TRAPPC12: variants seen among roughly 807,000 people sequenced by gnomAD.
The protein encoded by TRAPPC12 is trafficking protein particle complex subunit 12.
Under a neutral mutation model 69.2 loss-of-function variants are expected in TRAPPC12, and 61 were observed. The observed-to-expected ratio is 0.88, with a 90% CI of 0.72 to 1.09. TRAPPC12 has a LOEUF of 1.09. Ranked by LOEUF, TRAPPC12 falls within the 50% of genes least tolerant of loss-of-function variation. The pLI, the probability that TRAPPC12 is intolerant of heterozygous loss-of-function variation, is 0.00. For missense variants in TRAPPC12, 1,101 were observed against 1,016.4 expected (o/e 1.08, Z -1.13); for synonymous variants, 469 against 438.9 (o/e 1.07, Z -0.86).
chr2:3,401,847 A>G lies in TRAPPC12; in HGVS notation c.1118A>G (p.Asn373Ser). 6.2e-7 allele frequency: 1 copy of G among 1,603,382 alleles called. No individual in the cohort carries two copies. The highest frequency in any genetic ancestry group is 8.5e-7 in the Non-Finnish European group (1 of 1,176,410). Residue 373 changes from asparagine (N) to serine (S), a missense_variant, in exon 3 of 12, where the codon AAT becomes AGT. Coordinates refer to ENST00000324266, the MANE Select transcript of TRAPPC12 (RefSeq NM_016030.6). The stretch of plus-strand genomic sequence containing the variant: ...GCTGCAGCAAAGAGACAAGTCCTAA[A>G]TGCCGACTCAGTGGAACAATCTTTT... Reference protein sequence around the residue: ...EKAAAKRQVLNADSVEQSFVG... With the variant: ...EKAAAKRQVLSADSVEQSFVG...
intron 2 of TRAPPC12, among the ~76,000 whole-genome samples, chr2:3,391,790 C>A (rs907351557): frequency 2.0e-5 from 3 of 152,010 alleles, no homozygotes; most frequent in Non-Finnish European, 4.4e-5. Flanking sequence ...TGTATCCTGT[C>A]CCCCCAAGAT....
intron 2 of TRAPPC12, among the ~76,000 whole-genome samples, chr2:3,401,048 G>C (rs1298993337): frequency 6.6e-6 from 1 of 152,228 alleles, no homozygotes; most frequent in African/African-American, 2.4e-5. Context: ...AATCAGAGGA[G>C]TCAGGTCAGG....
At chr2:3,431,496 G>A (rs1486297306) in intron 5 of TRAPPC12, among the ~76,000 whole-genome samples, 2 of 152,118 alleles carry the variant, frequency 1.3e-5, no homozygotes, top group Admixed American at 6.5e-5. Flanking sequence ...TTTACGTTAG[G>A]GCTTTAAAAT....
intron 10 of TRAPPC12, 24 bp downstream of exon 10, chr2:3,477,819 A>G: frequency 6.6e-7 from 1 of 1,514,122 alleles, no homozygotes; most frequent in South Asian, 1.2e-5. Context: ...AACTAAATAT[A>G]TGTTTTCTCA....
chr2:3,419,660 AT>A (rs1314554666), intron 3 of TRAPPC12, among the ~76,000 whole-genome samples: 1 of 151,676 alleles, frequency 6.6e-6, no homozygotes, highest in African/African-American at 2.4e-5. Flanking sequence ...AAAAAAAAAA[AT>A]CTACAAGATA....
chr2:3,435,088 C>G (rs1558380545), intron 5 of TRAPPC12, among the ~76,000 whole-genome samples: 1 of 152,250 alleles, frequency 6.6e-6, no homozygotes, highest in Non-Finnish European at 1.5e-5. Context: ...TCTCGGCTCA[C>G]TGCAATGTCC....
intron 5 of TRAPPC12, among the ~76,000 whole-genome samples, chr2:3,429,850 C>A (rs1207472505): frequency 6.6e-6 from 1 of 152,180 alleles, no homozygotes; most frequent in African/African-American, 2.4e-5. Flanking sequence ...GGACCATTAA[C>A]AAATATTTTT....
chr2:3,444,625 A>T (rs1165601997), intron 6 of TRAPPC12, among the ~76,000 whole-genome samples: 1 of 152,272 alleles, frequency 6.6e-6, no homozygotes, highest in Non-Finnish European at 1.5e-5. Flanking sequence ...AGCAGTTATT[A>T]GGAGCAGCAG....
rs376085616 is a variant in TRAPPC12, at chr2:3,457,615, T to G, written c.1531-6T>G. On this transcript the variant is annotated splice_region_variant and splice_polypyrimidine_tract_variant and intron_variant, in intron 6 of 11. Transcript: ENST00000324266. Reference sequence around the variant, plus strand: ...ATTTTGTCCTTCTCATTTGGAATGATTGCAGATCCTGGCCAATTTGGAGCA... The same window carrying G: ...ATTTTGTCCTTCTCATTTGGAATGAGTGCAGATCCTGGCCAATTTGGAGCA... 1.2e-6 allele frequency: 2 copies of G among 1,612,676 alleles called. No individual in the cohort carries two copies. Among genetic ancestry groups the G allele is most frequent in the African/African-American group, 2.7e-5 (2 of 74,902 alleles).
chr2:3,441,221 G>A (rs958549205), intron 5 of TRAPPC12, among the ~76,000 whole-genome samples: 15 of 152,216 alleles, frequency 9.9e-5, no homozygotes, highest in African/African-American at 3.6e-4. Context: ...GTTAGAAAGC[G>A]TTCCTCTGCT....
At chr2:3,427,542 TTAAGAA>T (rs758126927) in intron 5 of TRAPPC12, among the ~76,000 whole-genome samples, 2 of 152,166 alleles carry the variant, frequency 1.3e-5, no homozygotes, top group African/African-American at 2.4e-5. Flanking sequence ...TGACAGGTGT[TTAAGAA>T]TGAGTGTGAC....
At chr2:3,436,712 A>G (rs1350572206) in intron 5 of TRAPPC12, among the ~76,000 whole-genome samples, 1 of 151,624 alleles carries the variant, frequency 6.6e-6, no homozygotes. Context: ...TGCCCTGTGT[A>G]TTAATCCCCC....
chr2:3,387,403 T>A, intron 1 of TRAPPC12, among the ~76,000 whole-genome samples: 1 of 152,204 alleles, frequency 6.6e-6, no homozygotes, highest in African/African-American at 2.4e-5. Flanking sequence ...AGATAAAAAG[T>A]GTTCTGGAGA....
In TRAPPC12 at chr2:3,443,797, C is replaced by T. The variant is rs1454464653; in HGVS notation, c.1436C>T (p.Ser479Leu). The change falls in exon 6 of 12, where the codon TCG becomes TTG. Residue 479 changes from serine (S) to leucine (L), a missense_variant. Physicochemically the swap from Ser to Leu is moderately radical, Grantham distance 145. Coordinates refer to ENST00000324266, the MANE Select transcript of TRAPPC12 (RefSeq NM_016030.6). Reference sequence around the variant, plus strand: ...ATTCCAGGCTCCATGGTCCCCTTCTCGATGCGCATCTTGCACGCGGAGCTT... The same window carrying T: ...ATTCCAGGCTCCATGGTCCCCTTCTTGATGCGCATCTTGCACGCGGAGCTT... Reference protein sequence around the residue: ...PGRRGSMVPFSMRILHAELQQ... With the variant: ...PGRRGSMVPFLMRILHAELQQ... The T allele has an allele frequency of 7.4e-6, 12 of 1,614,088 alleles. No individual in the cohort carries two copies. Among genetic ancestry groups the T allele is most frequent in the Admixed American group, 1.7e-5 (1 of 60,020 alleles).
At chr2:3,420,548 CT>C (rs1213064686) in intron 3 of TRAPPC12, among the ~76,000 whole-genome samples, 1 of 152,190 alleles carries the variant, frequency 6.6e-6, no homozygotes. Flanking sequence ...ATTGCTGAGC[CT>C]GCAGTGTGAG....
intron 9 of TRAPPC12, among the ~76,000 whole-genome samples, chr2:3,477,474 TA>T (rs1271236679): frequency 7.9e-5 from 12 of 152,354 alleles, no homozygotes; most frequent in African/African-American, 2.6e-4. Context: ...AAGGCGTGTA[TA>T]TTAGCAACTT....
intron 6 of TRAPPC12, among the ~76,000 whole-genome samples, chr2:3,444,730 A>T (rs1664418312): frequency 6.6e-6 from 1 of 152,186 alleles, no homozygotes; most frequent in Non-Finnish European, 1.5e-5. Flanking sequence ...GAGTTCCAAG[A>T]TGATGGTGTT....
intron 3 of TRAPPC12, among the ~76,000 whole-genome samples, chr2:3,419,348 G>C (rs1320702213): frequency 2.0e-5 from 3 of 152,344 alleles, no homozygotes; most frequent in Middle Eastern, 6.8e-3. Flanking sequence ...AGAATATACA[G>C]AGCCATTTGT....
chr2:3,435,306 G>A (rs1379912072), intron 5 of TRAPPC12, among the ~76,000 whole-genome samples: 3 of 152,212 alleles, frequency 2.0e-5, no homozygotes, highest in Non-Finnish European at 4.4e-5. Context: ...GAGCCACCGC[G>A]CCCAGCTGAG....
Sources: gnomAD v4.1 joint callset for allele counts (sites outside exome capture counted in the v4.1 genomes callset) on GRCh38, gnomAD v4.1.1 for gene constraint, MANE v1.5 for transcripts, NCBI Gene and HGNC (gene_info 2026-07-23, HGNC 2026-07-21) for gene names.